The following SIRT4 variants were observed in gnomAD, a reference collection of about 807,000 sequenced individuals.
The protein encoded by SIRT4 is NAD-dependent protein lipoamidase sirtuin-4, mitochondrial.
A neutral mutation model predicts 26.1 loss-of-function variants in SIRT4; 23 were observed. That is an observed-to-expected ratio of 0.88 (90% CI 0.63 to 1.25). The LOEUF is 1.25. SIRT4 is among the 50% of genes most tolerant of loss of function. SIRT4 has a pLI of 0.00. For missense variants in SIRT4, 361 were observed against 405.4 expected, an observed-to-expected ratio of 0.89 and a Z score of 0.94; for synonymous variants, 155 against 158.4, an observed-to-expected ratio of 0.98 and a Z score of 0.16.
chr12:120,311,479 C>T (rs1045130425), intron 2 of SIRT4, among the ~76,000 whole-genome samples: 2 of 151,782 alleles, frequency 1.3e-5, no homozygotes, highest in Non-Finnish European at 2.9e-5. Flanking sequence ...CACCTGTAAT[C>T]CCAGCACTTT....
chr12:120,292,422 G>T, the SIRT4 span, among the ~76,000 whole-genome samples: 1 of 152,164 alleles, frequency 6.6e-6, no homozygotes, highest in African/African-American at 2.4e-5. Context: ...ACAAGATGGT[G>T]AAACGGGGTC....
chr12:120,312,420 GGCATA>G (rs1565872951), intron 2 of SIRT4, 31 bp from the exon 3 acceptor site: 1 of 1,567,828 alleles, frequency 6.4e-7, no homozygotes, highest in East Asian at 2.2e-5. Flanking sequence ...GCCTCCCAAG[GGCATA>G]CTGTTCAGTC....
chr12:120,303,456 CAG>C, intron 1 of SIRT4, 103 bp from the exon 2 acceptor site: 1 of 1,329,436 alleles, frequency 7.5e-7, no homozygotes, highest in Non-Finnish European at 1.0e-6. Context: ...GCCTGGGCAA[CAG>C]AGGGAGACTC....
upstream of SIRT4, among the ~76,000 whole-genome samples, chr12:120,297,940 C>T (rs1872391894): frequency 6.6e-6 from 1 of 151,854 alleles, no homozygotes; most frequent in Non-Finnish European, 1.5e-5. Context: ...GCTTCTGGTG[C>T]TTTCTTTCAG....
At chr12:120,308,498 G>A (rs1430921924) in intron 2 of SIRT4, among the ~76,000 whole-genome samples, 1 of 152,116 alleles carries the variant, frequency 6.6e-6, no homozygotes, top group Non-Finnish European at 1.5e-5. Context: ...GGGTACAGGG[G>A]GCTTGAGATT....
Position 120,313,211 on chromosome 12 carries a change from AT to A in SIRT4, c.*183del, listed in dbSNP as rs202083335. The stretch of plus-strand genomic sequence containing the variant: ...GTGTGGATATTCTTAATTAAAACTC[AT>A]TTTTTTTAAATAAAAAATTGTTCAG... On this transcript the variant is annotated 3_prime_UTR_variant, in exon 4 of 4. Coordinates refer to ENST00000202967, the MANE Select transcript of SIRT4 (RefSeq NM_012240.3). The A allele has an allele frequency of 1.4e-4, 93 of 668,816 alleles. No homozygotes were observed. The highest frequency in any genetic ancestry group is 5.9e-4 in the Admixed American group (19 of 32,242). The allele number at this position is 668,816 out of a possible 1,614,324, so 41.4% of individuals were successfully genotyped here. A position where few individuals can be genotyped will look rare whatever the true frequency, so the allele number is the denominator to read the frequency against.
At chr12:120,302,070 A>G (rs1036113651), upstream of SIRT4, among the ~76,000 whole-genome samples, 6 of 151,934 alleles carry the variant, frequency 3.9e-5, no homozygotes, top group Non-Finnish European at 8.8e-5. Context: ...TAAAAAAAAA[A>G]AAGAAAAAAG....
At chr12:120,300,206 C>A (rs1872494753), upstream of SIRT4, among the ~76,000 whole-genome samples, 1 of 151,756 alleles carries the variant, frequency 6.6e-6, no homozygotes, top group African/African-American at 2.4e-5. Flanking sequence ...GTTGGAGGAT[C>A]CCTTGGGCCT....
upstream of SIRT4, among the ~76,000 whole-genome samples, chr12:120,298,042 A>G (rs1426223178): frequency 1.3e-5 from 2 of 151,460 alleles, no homozygotes; most frequent in Non-Finnish European, 2.9e-5. Context: ...TGAAAAAAAA[A>G]GGGGGTGGCC....
the SIRT4 span, chr12:120,293,224 C>T: frequency 4.6e-5 from 7 of 152,196 alleles, no homozygotes; most frequent in South Asian, 2.1e-4. Context: ...ACGATACTGC[C>T]ACTGCGCAAA....
intron 2 of SIRT4, among the ~76,000 whole-genome samples, chr12:120,306,599 C>T (rs564413920): frequency 6.6e-6 from 1 of 152,006 alleles, no homozygotes; most frequent in East Asian, 1.9e-4. Context: ...GTCAGGAGTT[C>T]GAGACCATCC....
At chr12:120,292,967 A>C in the SIRT4 span, 1 of 152,132 alleles carries the variant, frequency 6.6e-6, no homozygotes, top group Non-Finnish European at 1.5e-5. Flanking sequence ...GCTCTCGCGA[A>C]TCAGCTGGTA....
At chr12:120,308,238 C>T (rs1037679031) in intron 2 of SIRT4, among the ~76,000 whole-genome samples, 14 of 144,398 alleles carry the variant, frequency 9.7e-5, no homozygotes, top group South Asian at 2.2e-4. Flanking sequence ...GGCACGGTCT[C>T]GGCTCACTGC....
chr12:120,313,212 T>G lies in SIRT4; in HGVS notation c.*176T>G. Reference sequence around the variant, plus strand: ...TGTGGATATTCTTAATTAAAACTCATTTTTTTTAAATAAAAAATTGTTCAG... The same window carrying G: ...TGTGGATATTCTTAATTAAAACTCAGTTTTTTTAAATAAAAAATTGTTCAG... On this transcript the variant is annotated 3_prime_UTR_variant, in exon 4 of 4. Coordinates refer to ENST00000202967, the MANE Select transcript of SIRT4 (RefSeq NM_012240.3). 3 of 656,788 alleles carry G rather than the reference T, an allele frequency of 4.6e-6. No individual in the cohort carries two copies. The highest frequency in any genetic ancestry group is 1.8e-5 in the African/African-American group (1 of 54,806). 40.7% of individuals were successfully genotyped at this position (656,788 alleles called of 1,614,324 possible).
intron 3 of SIRT4, 47 bp from the exon 4 acceptor site, chr12:120,312,837 G>C: frequency 6.2e-7 from 1 of 1,610,510 alleles, no homozygotes; most frequent in Non-Finnish European, 8.5e-7. Flanking sequence ...ACTTTTTCTA[G>C]ATCTAGAGAA....
chr12:120,298,952 C>A (rs1007143690), upstream of SIRT4, among the ~76,000 whole-genome samples: 19 of 101,366 alleles, frequency 1.9e-4, no homozygotes, highest in Non-Finnish European at 3.0e-4. Flanking sequence ...AATAGCCGGG[C>A]GCGGTGGCTC....
chr12:120,309,000 C>G (rs1345220014), intron 2 of SIRT4, among the ~76,000 whole-genome samples: 1 of 151,934 alleles, frequency 6.6e-6, no homozygotes, highest in East Asian at 1.9e-4. Flanking sequence ...GAAACCCTGT[C>G]ACTACTAAAA....
chr12:120,298,677 G>C (rs1213125155), upstream of SIRT4, among the ~76,000 whole-genome samples: 1 of 151,700 alleles, frequency 6.6e-6, no homozygotes. Flanking sequence ...GGGAGGCTGA[G>C]GCGGGCGGAT....
At chr12:120,300,146 G>C (rs1388431755), upstream of SIRT4, among the ~76,000 whole-genome samples, 1 of 151,972 alleles carries the variant, frequency 6.6e-6, no homozygotes, top group Non-Finnish European at 1.5e-5. Flanking sequence ...ACAAAATTTA[G>C]CTGGGCGTGG....
Sources: gnomAD v4.1 joint callset for allele counts (sites outside exome capture counted in the v4.1 genomes callset) on GRCh38, gnomAD v4.1.1 for gene constraint, MANE v1.5 for transcripts, NCBI Gene and HGNC (gene_info 2026-07-23, HGNC 2026-07-21) for gene names.